The following ANLN variants were observed in gnomAD, a reference collection of about 807,000 sequenced individuals.
ANLN encodes the protein anillin, actin binding protein.
A neutral mutation model predicts 135.1 loss-of-function variants in ANLN; 59 were observed. The ratio of observed to expected loss-of-function variants is 0.44; its 90% CI spans 0.35 to 0.54. ANLN has a LOEUF of 0.54. Ranked by LOEUF, ANLN falls within the 20% of genes least tolerant of loss-of-function variation. The pLI, the probability that ANLN is intolerant of heterozygous loss-of-function variation, is 0.00. For missense variants in ANLN, 1,182 were observed against 1,340.0 expected (o/e 0.88, Z 1.84); for synonymous variants, 406 against 456.4 (o/e 0.89, Z 1.41).
Position 36,419,448 on chromosome 7 carries a change from T to C in ANLN, c.1838T>C (p.Leu613Ser). ...NISSMSLLAP[L>S]AQTVGVVSPE... ...TCCTCAATGTCTTTACTTGCACCAT[T>C]GGCACAAACAGTTGGTGTGGTAAGT... The change falls in exon 10 of 24, where the codon TTG becomes TCG. Residue 613 changes from leucine to serine, a missense_variant. Physicochemically the swap from Leu to Ser is moderately radical, Grantham distance 145 (BLOSUM62 -2). Coordinates refer to ENST00000265748, the MANE Select transcript of ANLN (RefSeq NM_018685.5). 1 of 1,613,864 alleles carries C rather than the reference T, an allele frequency of 6.2e-7. No individual in the cohort carries two copies. Among genetic ancestry groups the C allele is most frequent in the Non-Finnish European group, 8.5e-7 (1 of 1,179,982 alleles).
intron 7 of ANLN, among the ~76,000 whole-genome samples, chr7:36,411,373 T>C (rs1012426110): frequency 3.3e-5 from 5 of 152,252 alleles, no homozygotes; most frequent in African/African-American, 1.2e-4. Context: ...TTCACCATAT[T>C]CATTGATGAC....
intron 9 of ANLN, among the ~76,000 whole-genome samples, chr7:36,418,426 C>T (rs937860624): frequency 6.6e-6 from 1 of 152,168 alleles, no homozygotes; most frequent in Non-Finnish European, 1.5e-5. Flanking sequence ...AACATTATAA[C>T]GAAAGACAGT....
At chr7:36,417,607 G>A (rs1787697966) in intron 9 of ANLN, among the ~76,000 whole-genome samples, 1 of 151,078 alleles carries the variant, frequency 6.6e-6, no homozygotes, top group African/African-American at 2.4e-5. Flanking sequence ...TGGGGACTCA[G>A]TCCCCAAGAC....
chr7:36,397,063 A>G (rs1026806464), intron 2 of ANLN, among the ~76,000 whole-genome samples: 4 of 152,176 alleles, frequency 2.6e-5, no homozygotes, highest in Admixed American at 2.6e-4. Context: ...TCTGGAGATA[A>G]TAATCTTCCT....
At chr7:36,404,500 G>C (rs1214699739) in intron 3 of ANLN, among the ~76,000 whole-genome samples, 14 of 152,184 alleles carry the variant, frequency 9.2e-5, no homozygotes, top group Non-Finnish European at 2.9e-5. Context: ...TTCATAGTTT[G>C]AGGTACGACA....
intron 3 of ANLN, among the ~76,000 whole-genome samples, chr7:36,400,860 AT>A (rs919095138): frequency 5.3e-5 from 8 of 150,114 alleles, no homozygotes; most frequent in Admixed American, 2.0e-4. Flanking sequence ...CTTTTGTCTT[AT>A]TTTTTTTAAA....
chr7:36,402,549 G>A (rs1343654854), intron 3 of ANLN, among the ~76,000 whole-genome samples: 1 of 151,926 alleles, frequency 6.6e-6, no homozygotes, highest in Admixed American at 6.6e-5. Flanking sequence ...ACTCTCCCAG[G>A]ACCTCCCCAT....
chr7:36,418,476 G>A (rs1433592959), intron 9 of ANLN, among the ~76,000 whole-genome samples: 4 of 152,180 alleles, frequency 2.6e-5, no homozygotes, highest in Admixed American at 6.5e-5. Context: ...AACTGTGGAC[G>A]AAAACCAGTA....
intron 6 of ANLN, 65 bp downstream of exon 6, chr7:36,410,769 T>G: frequency 6.9e-7 from 1 of 1,453,250 alleles, no homozygotes; most frequent in Non-Finnish European, 9.3e-7. Context: ...GAAATCAAAA[T>G]GGGTTCTGAT....
chr7:36,395,347 T>C (rs197360), intron 1 of ANLN, among the ~76,000 whole-genome samples: 141,355 of 152,184 alleles, frequency 0.93, 66,011 homozygotes, highest in South Asian at 0.98. Context: ...TGGCTTGTCC[T>C]GTTCCCCCAT....
chr7:36,409,663 G>C (rs900345304), intron 5 of ANLN, among the ~76,000 whole-genome samples: 1 of 151,690 alleles, frequency 6.6e-6, no homozygotes, highest in Non-Finnish European at 1.5e-5. Context: ...TTTTTGTTTT[G>C]TTTTGTTTGC....
At chr7:36,424,816 T>A in intron 17 of ANLN, 74 bp downstream of exon 17, 1 of 1,435,936 alleles carries the variant, frequency 7.0e-7, no homozygotes. Flanking sequence ...TTTTAATTTA[T>A]GTACAACTTT....
At chr7:36,430,148 C>T (rs1050777565) in intron 20 of ANLN, among the ~76,000 whole-genome samples, 1 of 152,212 alleles carries the variant, frequency 6.6e-6, no homozygotes, top group African/African-American at 2.4e-5. Flanking sequence ...AGGCCTTCTA[C>T]ACTCATGTAA....
chr7:36,426,104 TA>T, intron 19 of ANLN, 68 bp downstream of exon 19: 1 of 1,121,144 alleles, frequency 8.9e-7, no homozygotes, highest in African/African-American at 1.6e-5. Flanking sequence ...CATATTTACA[TA>T]TATATAGGCC....
chr7:36,394,622 G>C (rs930405624), intron 1 of ANLN, among the ~76,000 whole-genome samples: 4 of 144,828 alleles, frequency 2.8e-5, no homozygotes, highest in Admixed American at 2.7e-4. Flanking sequence ...CTTTAAATTA[G>C]AAATCATTCT....
At chr7:36,403,164 G>C (rs1787031510) in intron 3 of ANLN, among the ~76,000 whole-genome samples, 2 of 152,046 alleles carry the variant, frequency 1.3e-5, no homozygotes, top group Admixed American at 1.3e-4. Flanking sequence ...AAGAGTGAAG[G>C]CCTGTGGAAA....
At chr7:36,423,013 C>G (rs1393693356) in intron 14 of ANLN, among the ~76,000 whole-genome samples, 1 of 152,068 alleles carries the variant, frequency 6.6e-6, no homozygotes, top group Non-Finnish European at 1.5e-5. Context: ...GGACATTGCT[C>G]TTACTGAAAG....
intron 21 of ANLN, among the ~76,000 whole-genome samples, chr7:36,443,215 G>C (rs117637495): frequency 0.02 from 3,114 of 152,284 alleles, 49 homozygotes; most frequent in Middle Eastern, 0.058. Context: ...CGTGTCTCAC[G>C]GCCCAGCAGT....
chr7:36,401,349 G>GT (rs1472722256), intron 3 of ANLN, among the ~76,000 whole-genome samples: 6 of 151,794 alleles, frequency 4.0e-5, no homozygotes, highest in Non-Finnish European at 5.9e-5. Flanking sequence ...TTTTGTTTTT[G>GT]TTTTTTTGAG....
Sources: gnomAD v4.1 joint callset for allele counts (sites outside exome capture counted in the v4.1 genomes callset) on GRCh38, gnomAD v4.1.1 for gene constraint, MANE v1.5 for transcripts, NCBI Gene and HGNC (gene_info 2026-07-23, HGNC 2026-07-21) for gene names.